MSH3: variants seen among roughly 807,000 people sequenced by gnomAD.
MSH3 encodes DNA mismatch repair protein Msh3.
A neutral mutation model predicts 123.3 loss-of-function variants in MSH3; 106 were observed. The ratio of observed to expected loss-of-function variants is 0.86; its 90% confidence interval spans 0.73 to 1.01. The LOEUF is 1.01. Among genes scored for constraint, MSH3 ranks in the 50% least tolerant of loss-of-function variants. The pLI is 0.00. For missense variants in MSH3, 1,459 were observed against 1,347.6 expected (o/e 1.08, Z -1.29); for synonymous variants, 515 against 481.4 (o/e 1.07, Z -0.91).
At chr5:80,747,642 T>A (rs1554071337) in intron 12 of MSH3, among the ~76,000 whole-genome samples, 1 of 152,212 alleles carries the variant, frequency 6.6e-6, no homozygotes, top group Non-Finnish European at 1.5e-5. Flanking sequence ...AGTCAGTGGC[T>A]CAGCTATATA....
intron 20 of MSH3, among the ~76,000 whole-genome samples, chr5:80,817,772 T>TA (rs1425191331): frequency 1.3e-5 from 2 of 152,130 alleles, no homozygotes; most frequent in Non-Finnish European, 2.9e-5. Flanking sequence ...TGACAAGAAT[T>TA]AGAGTATCAC....
At chr5:80,844,462 T>C (rs1158205442) in intron 20 of MSH3, among the ~76,000 whole-genome samples, 1 of 152,178 alleles carries the variant, frequency 6.6e-6, no homozygotes, top group Non-Finnish European at 1.5e-5. Context: ...CTTGTTAACC[T>C]TCTGTCTCAT....
At chr5:80,670,442 G>A (rs1657252076) in intron 4 of MSH3, 133 bp downstream of exon 4, 2 of 984,184 alleles carry the variant, frequency 2.0e-6, no homozygotes, top group Non-Finnish European at 3.0e-6. Context: ...ATACTGTTAT[G>A]TAAAGTAAAA....
Position 80,659,315 on chromosome 5 carries a change from A to G in MSH3, c.358+2784A>G, listed in dbSNP as rs528883276. ...ATTCGGTGGCTTTTAGGATATTCCC[A>G]GAGTTGTGCAACCATCATCAAAGTC... On this transcript the variant is annotated intron_variant, in intron 2 of 23. Coordinates refer to ENST00000265081, the MANE Select transcript of MSH3 (RefSeq NM_002439.5). Among the ~76,000 whole-genome samples the G allele has an allele frequency of 1.4e-4, 21 of 152,268 alleles. No homozygotes were observed. The East Asian group carries it at 4.1e-3, about 29-fold the overall frequency.
chr5:80,858,552 C>T (rs6869936), intron 21 of MSH3, among the ~76,000 whole-genome samples: 342 of 152,068 alleles, frequency 2.2e-3, no homozygotes, highest in African/African-American at 8.0e-3. Context: ...TAGTTTAATT[C>T]CATTGTGGTA....
At chr5:80,829,452 T>C (rs1745381148) in intron 20 of MSH3, among the ~76,000 whole-genome samples, 1 of 152,202 alleles carries the variant, frequency 6.6e-6, no homozygotes, top group Non-Finnish European at 1.5e-5. Context: ...TGAATGGGTG[T>C]CGGATTTTAT....
rs193178317 is a variant in MSH3 at position 80,698,832 on chromosome 5, A to G, written c.1340+19739A>G. Reference sequence around the variant, plus strand: ...GGTGGTGGGGGGGACGGATAGCATTAGGAGATATACCTAATGTAAATGACA... The same window carrying G: ...GGTGGTGGGGGGGACGGATAGCATTGGGAGATATACCTAATGTAAATGACA... On this transcript the variant is annotated intron_variant, in intron 8 of 23. Coordinates refer to ENST00000265081, the MANE Select transcript of MSH3 (RefSeq NM_002439.5). Among the ~76,000 whole-genome samples, 68 of 152,270 alleles carry G rather than the reference A, an allele frequency of 4.5e-4. No individual in the cohort carries two copies. The East Asian group carries it at 0.013, about 29-fold the overall frequency.
chr5:80,729,271 C>G (rs1488568510), intron 10 of MSH3, among the ~76,000 whole-genome samples: 1 of 151,402 alleles, frequency 6.6e-6, no homozygotes, highest in Non-Finnish European at 1.5e-5. Flanking sequence ...AAAAATTAGC[C>G]GGGCGTGGTG....
intron 8 of MSH3, among the ~76,000 whole-genome samples, chr5:80,709,264 T>C (rs1220794097): frequency 6.6e-6 from 1 of 151,428 alleles, no homozygotes; most frequent in Non-Finnish European, 1.5e-5. Context: ...TAATGGAATT[T>C]GTGGAACATT....
intron 22 of MSH3, among the ~76,000 whole-genome samples, chr5:80,871,596 A>G (rs543132708): frequency 3.9e-5 from 6 of 152,196 alleles, no homozygotes; most frequent in Admixed American, 6.5e-5. Context: ...GCTCTCACCA[A>G]CTGTTGGTGG....
chr5:80,835,851 G>T (rs2112084207), intron 20 of MSH3, among the ~76,000 whole-genome samples: 1 of 152,028 alleles, frequency 6.6e-6, no homozygotes, highest in East Asian at 1.9e-4. Context: ...GGAGGTAGAG[G>T]TTACAGTGAG....
chr5:80,760,643 C>T (rs1345983257), intron 12 of MSH3, among the ~76,000 whole-genome samples: 1 of 152,174 alleles, frequency 6.6e-6, no homozygotes, highest in Non-Finnish European at 1.5e-5. Context: ...TATCAGCAAA[C>T]AAATTCTCCG....
intron 8 of MSH3, among the ~76,000 whole-genome samples, chr5:80,722,638 G>A (rs956483448): frequency 4.6e-5 from 7 of 152,298 alleles, no homozygotes; most frequent in East Asian, 1.9e-4. Flanking sequence ...GTATGTGTAC[G>A]TATCTAAGAG....
chr5:80,780,330 G>C lies in MSH3; in HGVS notation c.2435+1494G>C, dbSNP rs566106680. Among the ~76,000 whole-genome samples, 8 of 152,300 alleles carry C rather than the reference G, an allele frequency of 5.3e-5. No individual in the cohort carries two copies. The South Asian group carries it at 8.3e-4, about 16-fold the overall frequency. The stretch of plus-strand genomic sequence containing the variant: ...TAGGAACCAGCTCTAGACCACCACT[G>C]GTCTGAGTACTTTATATATAAACTC... On this transcript the variant is annotated intron_variant, in intron 17 of 23. Transcript: ENST00000265081.
chr5:80,779,473 A>G (rs543051847), intron 17 of MSH3, among the ~76,000 whole-genome samples: 256 of 152,212 alleles, frequency 1.7e-3, no homozygotes, highest in African/African-American at 6.0e-3. Context: ...ACTTAAGCCT[A>G]CGTCTTTAAA....
chr5:80,758,240 T>G (rs1332079309), intron 12 of MSH3, among the ~76,000 whole-genome samples: 1 of 152,198 alleles, frequency 6.6e-6, no homozygotes, highest in Non-Finnish European at 1.5e-5. Flanking sequence ...CCATACATAG[T>G]TATTTCTGAG....
chr5:80,683,217 T>C (rs988151113), intron 8 of MSH3, among the ~76,000 whole-genome samples: 1 of 152,228 alleles, frequency 6.6e-6, no homozygotes, highest in African/African-American at 2.4e-5. Context: ...TTTGAGTATA[T>C]ATCTAGCAGT....
intron 10 of MSH3, among the ~76,000 whole-genome samples, chr5:80,740,965 C>G (rs186450346): frequency 6.6e-6 from 1 of 152,134 alleles, no homozygotes; most frequent in African/African-American, 2.4e-5. Flanking sequence ...ATCCGCCTGC[C>G]TCAGCCTCCC....
rs570849803 is a variant in MSH3, at chr5:80,771,838, A to G, written c.2253+2835A>G. ...TTCCCAGCTTTTATATACTCATTAG[A>G]ATACTAAAGCCTTATTGTATGATTC... On this transcript the variant is annotated intron_variant, in intron 15 of 23. Transcript: ENST00000265081. Among the ~76,000 whole-genome samples the G allele has an allele frequency of 9.5e-4, 145 of 152,340 alleles. 1 individual carries two copies. The highest frequency in any genetic ancestry group is 6.8e-3 in the Middle Eastern group (2 of 294).
Sources: gnomAD v4.1 joint callset for allele counts (sites outside exome capture counted in the v4.1 genomes callset) on GRCh38, gnomAD v4.1.1 for gene constraint, MANE v1.5 for transcripts, NCBI Gene and HGNC (gene_info 2026-07-23, HGNC 2026-07-21) for gene names.